HDAC4: variants seen among roughly 807,000 people sequenced by gnomAD.
HDAC4 encodes the protein histone deacetylase 4.
A neutral mutation model predicts 135.1 loss-of-function variants in HDAC4; 16 were observed. The observed-to-expected ratio is 0.12, with a 90% CI of 0.08 to 0.18. HDAC4 has a LOEUF of 0.18. HDAC4 is among the 10% of genes least tolerant of loss of function. The pLI is 1.00. For synonymous variants in HDAC4, 685 were observed against 653.4 expected, an observed-to-expected ratio of 1.05 and a Z score of -0.74; for missense variants, 1,143 against 1,511.8, an observed-to-expected ratio of 0.76 and a Z score of 4.05.
chr2:239,386,659 G>A (rs370560885), intron 1 of HDAC4, among the ~76,000 whole-genome samples: 5 of 152,176 alleles, frequency 3.3e-5, no homozygotes, highest in African/African-American at 4.8e-5. Flanking sequence ...CATGAGCACC[G>A]GCTTTAGGTG....
At chr2:239,230,886 C>T (rs899678129) in intron 3 of HDAC4, among the ~76,000 whole-genome samples, 6 of 152,182 alleles carry the variant, frequency 3.9e-5, no homozygotes, top group African/African-American at 4.8e-5. Flanking sequence ...ATGCAACAAC[C>T]GCCACAAAAC....
chr2:239,184,157 G>C (rs2044338225), intron 4 of HDAC4, among the ~76,000 whole-genome samples: 1 of 151,272 alleles, frequency 6.6e-6, no homozygotes, highest in Admixed American at 6.6e-5. Context: ...ACTGGGAATA[G>C]GCTGAAGTTA....
At chr2:239,235,761 TG>T (rs2153177784) in intron 3 of HDAC4, among the ~76,000 whole-genome samples, 1 of 152,352 alleles carries the variant, frequency 6.6e-6, no homozygotes, top group South Asian at 2.1e-4. Flanking sequence ...CCTATGGGGC[TG>T]GGCGCGGTGG....
chr2:239,166,336 C>A (rs1332339564), intron 5 of HDAC4, among the ~76,000 whole-genome samples: 1 of 152,194 alleles, frequency 6.6e-6, no homozygotes, highest in Non-Finnish European at 1.5e-5. Context: ...CACCGTGATG[C>A]ATGAGGCTTC....
intron 7 of HDAC4, among the ~76,000 whole-genome samples, chr2:239,148,551 C>G (rs1189220478): frequency 1.3e-5 from 2 of 152,228 alleles, no homozygotes; most frequent in Non-Finnish European, 2.9e-5. Context: ...TTGGCAACAG[C>G]CACATCGAGG....
chr2:239,065,840 G>A (rs1372407578), intron 24 of HDAC4, among the ~76,000 whole-genome samples: 1 of 152,250 alleles, frequency 6.6e-6, no homozygotes. Context: ...GCAGAGCTCT[G>A]CGTGGGGAAG....
intron 2 of HDAC4, among the ~76,000 whole-genome samples, chr2:239,278,892 T>TAG (rs1032362460): frequency 2.6e-5 from 4 of 152,108 alleles, no homozygotes; most frequent in Non-Finnish European, 4.4e-5. Flanking sequence ...TGTGGACATG[T>TAG]AGTCCCAGCT....
chr2:239,226,669 G>T (rs2047259763), intron 3 of HDAC4, among the ~76,000 whole-genome samples: 1 of 152,166 alleles, frequency 6.6e-6, no homozygotes, highest in South Asian at 2.1e-4. Flanking sequence ...ATGTAATGGG[G>T]GGGGTGATAA....
chr2:239,282,927 C>T (rs749674501), intron 2 of HDAC4, among the ~76,000 whole-genome samples: 1 of 152,056 alleles, frequency 6.6e-6, no homozygotes, highest in South Asian at 2.1e-4. Context: ...AATGTACACA[C>T]CACTCTGCAA....
intron 24 of HDAC4, among the ~76,000 whole-genome samples, chr2:239,058,546 G>A (rs2032212573): frequency 6.6e-6 from 1 of 152,218 alleles, no homozygotes; most frequent in Admixed American, 6.5e-5. Context: ...ACTGACGCTA[G>A]GCAGGCAAAC....
At chr2:239,063,642 C>A (rs1430656035) in intron 24 of HDAC4, among the ~76,000 whole-genome samples, 1 of 152,178 alleles carries the variant, frequency 6.6e-6, no homozygotes, top group African/African-American at 2.4e-5. Flanking sequence ...TCCCTCTCTC[C>A]CCTTTCCCCT....
chr2:239,206,881 T>C (rs1018905779), intron 3 of HDAC4, among the ~76,000 whole-genome samples: 8 of 152,366 alleles, frequency 5.3e-5, no homozygotes, highest in African/African-American at 1.7e-4. Context: ...TGTCTAAATA[T>C]GTACATCATC....
At chr2:239,056,936 C>A (rs1331463978) in intron 24 of HDAC4, among the ~76,000 whole-genome samples, 1 of 152,210 alleles carries the variant, frequency 6.6e-6, no homozygotes, top group Non-Finnish European at 1.5e-5. Flanking sequence ...TCTGCAAAAT[C>A]TCTGGCCAGT....
rs1051624925 is a variant in HDAC4 at position 239,052,325 on chromosome 2, T to C, written c.*772A>G. The C allele has an allele frequency of 2.6e-5, 4 of 152,270 alleles. No homozygotes were observed. The highest frequency in any genetic ancestry group is 5.9e-5 in the Non-Finnish European group (4 of 68,026). The allele number at this position is 152,270 out of a possible 1,614,324, so 9.4% of individuals were successfully genotyped here. A position where few individuals can be genotyped will look rare whatever the true frequency, so the allele number is the denominator to read the frequency against. On this transcript the variant is annotated 3_prime_UTR_variant, in exon 27 of 27. Coordinates refer to ENST00000543185, the MANE Select transcript of HDAC4 (RefSeq NM_001378414.1). ...CCAGGCTCGGCTGGCCACAGGAAACTGTCCCACCGATTCCTGCTGTTTGTT... is the reference window on the plus strand; with the variant it reads ...CCAGGCTCGGCTGGCCACAGGAAACCGTCCCACCGATTCCTGCTGTTTGTT...
intron 11 of HDAC4, among the ~76,000 whole-genome samples, chr2:239,132,972 G>GCCA (rs1357267130): frequency 2.0e-5 from 3 of 152,100 alleles, no homozygotes; most frequent in Non-Finnish European, 2.9e-5. Context: ...CCGCGTGCCT[G>GCCA]CCACTGTGGC....
Position 239,309,440 on chromosome 2 carries a change from C to A in HDAC4, c.22+43238G>T, listed in dbSNP as rs1189337892. ...CACCTACAGCAAATGCCCAAGGAAG[C>A]AAGAAGCGGGACCCCGCCTTCTCAG... On this transcript the variant is annotated intron_variant, in intron 2 of 26. Transcript: ENST00000543185. The surrounding 1 kb of genome is among the most constrained non-coding windows in gnomAD (Gnocchi z 4.2). Among the ~76,000 whole-genome samples the A allele has an allele frequency of 6.6e-6, 1 of 152,358 alleles. No individual in the cohort carries two copies. Among genetic ancestry groups the A allele is most frequent in the South Asian group, 2.1e-4 (1 of 4,832 alleles).
Position 239,087,627 on chromosome 2 carries a change from C to A in HDAC4, c.2389-13G>T. The A allele has an allele frequency of 3.1e-6, 5 of 1,613,324 alleles. No homozygotes were observed. The highest frequency in any genetic ancestry group is 3.4e-6 in the Non-Finnish European group (4 of 1,179,692). ...CAGCAAAGCCATTCTGCAGGTGACA[C>A]CAGACAGCCAGGAGAGAGCAACAAA... is the stretch of plus-strand genomic sequence containing the variant. On this transcript the variant is annotated splice_polypyrimidine_tract_variant and intron_variant, in intron 18 of 26. Transcript: ENST00000543185.
At chr2:239,098,236 G>A (rs575040132) in intron 16 of HDAC4, among the ~76,000 whole-genome samples, 3 of 152,350 alleles carry the variant, frequency 2.0e-5, no homozygotes, top group South Asian at 4.1e-4. Context: ...CTGTGGTTTG[G>A]AGCCACAATC....
chr2:239,338,047 T>C (rs551547242), intron 2 of HDAC4, among the ~76,000 whole-genome samples: 4 of 152,214 alleles, frequency 2.6e-5, no homozygotes, highest in Non-Finnish European at 4.4e-5. Flanking sequence ...ATCTGCAGCC[T>C]TGAAGGTGAG....
Sources: gnomAD v4.1 joint callset for allele counts (sites outside exome capture counted in the v4.1 genomes callset) on GRCh38, gnomAD v4.1.1 for gene constraint, Gnocchi (gnomAD v3.1) non-coding constraint, MANE v1.5 for transcripts, NCBI Gene and HGNC (gene_info 2026-07-23, HGNC 2026-07-21) for gene names.